NRXN3: variants seen among roughly 807,000 people sequenced by gnomAD.
NRXN3 encodes the protein neurexin III.
In NRXN3, 32 loss-of-function variants were observed where a neutral mutation model predicts 137.6. The ratio of observed to expected loss-of-function variants is 0.23; its 90% CI spans 0.18 to 0.31. The LOEUF is 0.31. Ranked by LOEUF, NRXN3 falls within the 10% of genes least tolerant of loss-of-function variation. The pLI, the probability that NRXN3 is intolerant of heterozygous loss-of-function variation, is 1.00. For missense variants in NRXN3, 1,574 were observed against 2,062.5 expected (o/e 0.76, Z 4.59); for synonymous variants, 798 against 784.5 (o/e 1.02, Z -0.29).
chr14:79,275,319 A>G (rs979275989), intron 15 of NRXN3, among the ~76,000 whole-genome samples: 1 of 143,114 alleles, frequency 7.0e-6, no homozygotes, highest in African/African-American at 2.8e-5. Flanking sequence ...TCATATTTGG[A>G]AAAAAAAAGG....
chr14:79,856,241 C>T (rs1049064928), intron 20 of NRXN3, among the ~76,000 whole-genome samples: 1 of 152,000 alleles, frequency 6.6e-6, no homozygotes, highest in African/African-American at 2.4e-5. Flanking sequence ...AGGTACTTGC[C>T]CTGTTTGTCC....
chr14:78,926,376 C>T (rs763701351), intron 10 of NRXN3, among the ~76,000 whole-genome samples: 3 of 151,164 alleles, frequency 2.0e-5, no homozygotes, highest in Admixed American at 6.7e-5. Flanking sequence ...TGGAATATTC[C>T]ATTTAATATT....
At chr14:78,532,521 TTC>T (rs1471264175) in intron 4 of NRXN3, among the ~76,000 whole-genome samples, 4 of 151,738 alleles carry the variant, frequency 2.6e-5, no homozygotes, top group Non-Finnish European at 5.9e-5. Flanking sequence ...GACCAGTTCC[TTC>T]TCTCCTATCT....
In NRXN3 at chr14:78,803,797, G is replaced by A. The variant is rs1236133920; in HGVS notation, c.2222G>A (p.Gly741Glu). 6.2e-7 allele frequency: 1 copy of A among 1,613,766 alleles called. No homozygotes were observed. Among genetic ancestry groups the A allele is most frequent in the Non-Finnish European group, 8.5e-7 (1 of 1,180,014 alleles). The change falls in exon 9 of 21, where the codon GGG becomes GAG. Residue 741 changes from glycine (G) to glutamate (E), a missense_variant. By Grantham distance (98) the Gly-to-Glu change is moderately conservative. Transcript: ENST00000335750. ...ADTLRLELDG[G>E]RVKLMVNLDC... Reference sequence around the variant, plus strand: ...ACCCTGCGTCTGGAGCTGGATGGGGGGCGTGTCAAGCTCATGGTTAACTTA... The same window carrying A: ...ACCCTGCGTCTGGAGCTGGATGGGGAGCGTGTCAAGCTCATGGTTAACTTA...
intron 15 of NRXN3, among the ~76,000 whole-genome samples, chr14:79,300,277 T>TG: frequency 6.6e-6 from 1 of 152,224 alleles, no homozygotes; most frequent in Non-Finnish European, 1.5e-5. Context: ...TACCAGACGC[T>TG]GGGGAAATCC....
At chr14:79,323,554 T>G (rs1445261465) in intron 15 of NRXN3, among the ~76,000 whole-genome samples, 1 of 152,222 alleles carries the variant, frequency 6.6e-6, no homozygotes, top group South Asian at 2.1e-4. Context: ...GAAGGTTACA[T>G]TGTTTTTAAT....
At chr14:78,912,894 A>G (rs1382041802) in intron 10 of NRXN3, among the ~76,000 whole-genome samples, 1 of 152,178 alleles carries the variant, frequency 6.6e-6, no homozygotes, top group Non-Finnish European at 1.5e-5. Context: ...ATATCTATAT[A>G]TAAGTGAGAA....
intron 15 of NRXN3, among the ~76,000 whole-genome samples, chr14:79,146,235 G>A (rs191712255): frequency 6.6e-6 from 1 of 152,226 alleles, no homozygotes; most frequent in East Asian, 1.9e-4. Context: ...ATAGATTCAA[G>A]ATGAACTCCA....
chr14:78,435,148 T>C (rs951069667), intron 4 of NRXN3, among the ~76,000 whole-genome samples: 1 of 152,198 alleles, frequency 6.6e-6, no homozygotes, highest in Admixed American at 6.5e-5. Context: ...TTTGCTTACT[T>C]GTGGCTCTGT....
chr14:79,619,862 G>T (rs549389379), intron 16 of NRXN3, among the ~76,000 whole-genome samples: 1 of 152,212 alleles, frequency 6.6e-6, no homozygotes, highest in African/African-American at 2.4e-5. Flanking sequence ...AATCATGAGT[G>T]CCCATTTGAG....
At chr14:78,724,472 T>C (rs1449384614) in intron 8 of NRXN3, among the ~76,000 whole-genome samples, 1 of 152,170 alleles carries the variant, frequency 6.6e-6, no homozygotes, top group African/African-American at 2.4e-5. Flanking sequence ...AGATACTATC[T>C]AGCAAAACCA....
In NRXN3 at chr14:78,985,394, C is replaced by T. The variant is rs147442100; in HGVS notation, c.3143-2628C>T. On this transcript the variant is annotated intron_variant, in intron 14 of 20. Coordinates refer to ENST00000335750, the MANE Select transcript of NRXN3 (RefSeq NM_001330195.2). ...TATATGAGGAGAAGACAGTGCAATG[C>T]GTAATAAAGTGCTAAACTGAATATT... Among the ~76,000 whole-genome samples, 63 of 152,200 alleles carry T rather than the reference C, an allele frequency of 4.1e-4. No homozygotes were observed. In the East Asian group the frequency reaches 8.3e-3, roughly 20 times the overall value.
intron 4 of NRXN3, among the ~76,000 whole-genome samples, chr14:78,474,010 A>C (rs1199008809): frequency 2.6e-5 from 4 of 152,178 alleles, no homozygotes; most frequent in Non-Finnish European, 5.9e-5. Flanking sequence ...AGCTCTCAAC[A>C]TTATGGGAGG....
At chr14:78,916,200 G>A (rs1184890365) in intron 10 of NRXN3, among the ~76,000 whole-genome samples, 1 of 152,132 alleles carries the variant, frequency 6.6e-6, no homozygotes, top group Non-Finnish European at 1.5e-5. Context: ...ACTGGAATGG[G>A]TATAAATTAA....
intron 4 of NRXN3, among the ~76,000 whole-genome samples, chr14:78,546,177 C>T (rs2096634713): frequency 6.6e-6 from 1 of 152,202 alleles, no homozygotes; most frequent in Non-Finnish European, 1.5e-5. Flanking sequence ...ACTTCACATA[C>T]TCAAGCAATG....
chr14:78,565,934 T>C (rs2096832203), intron 4 of NRXN3, among the ~76,000 whole-genome samples: 1 of 152,208 alleles, frequency 6.6e-6, no homozygotes, highest in Admixed American at 6.5e-5. Flanking sequence ...AGGTGAAGTA[T>C]TGGCAAAAAT....
At chr14:78,183,635 A>G (rs1595683140) in intron 1 of NRXN3, among the ~76,000 whole-genome samples, 1 of 152,278 alleles carries the variant, frequency 6.6e-6, no homozygotes, top group Admixed American at 6.5e-5. Flanking sequence ...GCACATGGGG[A>G]CAAGTGCCCC....
chr14:79,268,445 A>G (rs2078773746), intron 15 of NRXN3, among the ~76,000 whole-genome samples: 1 of 152,230 alleles, frequency 6.6e-6, no homozygotes. Flanking sequence ...CTCCAGATCC[A>G]GGTTGCCTTT....
rs555346595 is a variant in NRXN3 at position 78,411,533 on chromosome 14, T to C, written c.757+113673T>C. 3.9e-5 allele frequency among the ~76,000 whole-genome samples: 6 copies of C among 152,302 alleles called. No individual in the cohort carries two copies. The South Asian group carries it at 1.0e-3, about 26-fold the overall frequency. ...AGGTTATTGTGAGAATTTGAGACAA[T>C]TCCTAGAAAGCCTGGTTCTTTTATG... is the stretch of plus-strand genomic sequence containing the variant. On this transcript the variant is annotated intron_variant, in intron 4 of 20. Coordinates refer to ENST00000335750, the MANE Select transcript of NRXN3 (RefSeq NM_001330195.2).
Sources: allele counts gnomAD v4.1 joint callset (sites outside exome capture counted in the v4.1 genomes callset), GRCh38; gene constraint gnomAD v4.1.1; transcripts MANE v1.5; gene names NCBI Gene and HGNC (gene_info 2026-07-23, HGNC 2026-07-21).